Variants in DNM1 observed in about 807,000 individuals in gnomAD.
DNM1 encodes the protein dynamin-1.
In DNM1, 29 loss-of-function variants were observed where a neutral mutation model predicts 104.6. The ratio of observed to expected loss-of-function variants is 0.28; its 90% CI spans 0.21 to 0.38. DNM1 has a LOEUF of 0.38. Among genes scored for constraint, DNM1 ranks in the 10% least tolerant of loss-of-function variants. The probability of loss-of-function intolerance (pLI) is 1.00; values close to 1 mark genes in which losing one functional copy is unlikely to be tolerated. For missense variants in DNM1, 640 were observed against 1,189.4 expected (o/e 0.54, Z 6.79); for synonymous variants, 445 against 475.8 (o/e 0.94, Z 0.84).
chr9:128,216,117 C>G (rs926471850), intron 1 of DNM1, among the ~76,000 whole-genome samples: 1 of 151,800 alleles, frequency 6.6e-6, no homozygotes, highest in Non-Finnish European at 1.5e-5. Context: ...ACTTGTCTGT[C>G]TCTCCCACCA....
intron 10 of DNM1, among the ~76,000 whole-genome samples, chr9:128,228,744 G>C (rs895919823): frequency 1.3e-5 from 2 of 152,168 alleles, no homozygotes; most frequent in Admixed American, 1.3e-4. Flanking sequence ...CAGAACTTTG[G>C]AAGGCTGAGG....
In DNM1 at chr9:128,220,905, C is replaced by CTTTCTTTCTT. The variant is rs71381747; in HGVS notation, c.849+566_849+575dup. Among the ~76,000 whole-genome samples the CTTTCTTTCTT allele has an allele frequency of 7.7e-4, 113 of 146,424 alleles. 1 individual carries two copies. The highest frequency in any genetic ancestry group is 1.1e-3 in the South Asian group (5 of 4,570). On this transcript the variant is annotated intron_variant, in intron 6 of 21. Transcript: ENST00000372923. The surrounding 1 kb of genome is among the most constrained non-coding windows in gnomAD (Gnocchi z 5.2). ...ATTTGTTTTCTTTCTTTCTTTCTTT[C>CTTTCTTTCTT]TTTCTTTCTTTCTTTCTTTCTTTCT...
At chr9:128,232,978 T>C (rs1835791297) in intron 10 of DNM1, among the ~76,000 whole-genome samples, 1 of 151,622 alleles carries the variant, frequency 6.6e-6, no homozygotes, top group African/African-American at 2.4e-5. Context: ...GGAGGTGGAG[T>C]GGGAGAGGAG....
intron 1 of DNM1, among the ~76,000 whole-genome samples, chr9:128,215,217 T>G (rs1268168851): frequency 6.6e-6 from 1 of 152,196 alleles, no homozygotes; most frequent in East Asian, 1.9e-4. Flanking sequence ...CAATGTAGGA[T>G]TCGATGAAGG....
chr9:128,220,315 C>G lies in DNM1; in HGVS notation c.823C>G (p.Pro275Ala). 1 of 1,614,140 alleles carries G rather than the reference C, an allele frequency of 6.2e-7. No individual in the cohort carries two copies. Among genetic ancestry groups the G allele is most frequent in the Non-Finnish European group, 8.5e-7 (1 of 1,180,044 alleles). Residue 275 changes from proline to alanine, a missense_variant, in exon 6 of 22, where the codon CCC becomes GCC. By Grantham distance (27) the Pro-to-Ala change is conservative. Transcript: ENST00000372923. This position sits in a 1 kb window ranked among gnomAD's most constrained non-coding sequence, Gnocchi z 5.2. The stretch of plus-strand genomic sequence containing the variant: ...CCACTTGGCTGACCGTATGGGCACG[C>G]CCTACCTGCAGAAGGTCCTCAATCA... ...YRHLADRMGT[P>A]YLQKVLNQQL...
At chr9:128,215,933 A>G (rs1834576803) in intron 1 of DNM1, among the ~76,000 whole-genome samples, 1 of 136,628 alleles carries the variant, frequency 7.3e-6, no homozygotes, top group South Asian at 2.4e-4. Flanking sequence ...TTCTATCTCC[A>G]CAGCCCTGGG....
At chr9:128,215,858 A>T (rs1387110008) in intron 1 of DNM1, among the ~76,000 whole-genome samples, 4 of 151,962 alleles carry the variant, frequency 2.6e-5, no homozygotes, top group Admixed American at 2.0e-4. Context: ...GCTGGTGAGG[A>T]GCTGGTGGAG....
At chr9:128,239,650 T>A in intron 12 of DNM1, 78 bp from the exon 13 acceptor site, 5 of 1,464,892 alleles carry the variant, frequency 3.4e-6, no homozygotes, top group Non-Finnish European at 4.7e-6. Context: ...ACCCTCTGGG[T>A]CCTGTGCCCA....
Position 128,240,085 on chromosome 9 carries a change from C to A in DNM1, c.1557+89C>A. 6.7e-7 allele frequency: 1 copy of A among 1,490,638 alleles called. No homozygotes were observed. Among genetic ancestry groups the A allele is most frequent in the Non-Finnish European group, 9.4e-7 (1 of 1,069,118 alleles). 92.3% of individuals were successfully genotyped at this position (1,490,638 alleles called of 1,614,324 possible). ...GGGATCTGCAACGGGTAGGAGGGCA[C>A]CCTTTGGCTGAAGCTGCTTGTACAC... On this transcript the variant is annotated intron_variant, in intron 14 of 21. Transcript: ENST00000372923. The surrounding 1 kb of genome is among the most constrained non-coding windows in gnomAD (Gnocchi z 5.1).
At position 128,240,279 on chromosome 9, in the gene DNM1, A is replaced by C; in HGVS notation, c.1557+283A>C. The C allele has an allele frequency of 2.2e-6, 1 of 457,160 alleles. No homozygotes were observed. The highest frequency in any genetic ancestry group is 4.0e-5 in the East Asian group (1 of 24,804). The allele number at this position is 457,160 out of a possible 1,614,324, so 28.3% of individuals were successfully genotyped here. The stretch of plus-strand genomic sequence containing the variant: ...GGCACGGAGTAGGTGCTCCTTAAAC[A>C]TCTGCTGGATGGAGGGATGCACGTG... On this transcript the variant is annotated intron_variant, in intron 14 of 21. Transcript: ENST00000372923. This position sits in a 1 kb window ranked among gnomAD's most constrained non-coding sequence, Gnocchi z 5.1.
chr9:128,254,937 T>C lies in DNM1; in HGVS notation c.*223T>C. On this transcript the variant is annotated 3_prime_UTR_variant, in exon 22 of 22. Transcript: ENST00000372923. This position sits in a 1 kb window ranked among gnomAD's most constrained non-coding sequence, Gnocchi z 6.1. ...TTCTATAAATATCTATAAATACTCA[T>C]ATATATACACACCTACACATGGCCA... 1 of 509,066 alleles carries C rather than the reference T, an allele frequency of 2.0e-6. No homozygotes were observed. The allele number at this position is 509,066 out of a possible 1,614,324, so 31.5% of individuals were successfully genotyped here. A position where few individuals can be genotyped will look rare whatever the true frequency, so the allele number is the denominator to read the frequency against.
chr9:128,207,556 T>C (rs1183146080), intron 1 of DNM1, among the ~76,000 whole-genome samples: 2 of 150,886 alleles, frequency 1.3e-5, no homozygotes, highest in Non-Finnish European at 3.0e-5. Flanking sequence ...AGGCCAAGTC[T>C]GGTGGGAATG....
chr9:128,237,286 G>T (rs1836073415), intron 11 of DNM1, among the ~76,000 whole-genome samples: 1 of 151,494 alleles, frequency 6.6e-6, no homozygotes, highest in Non-Finnish European at 1.5e-5. Context: ...TTTTGAGACG[G>T]AGTCTCTCTC....
intron 15 of DNM1, chr9:128,244,643 T>C: frequency 2.3e-6 from 1 of 435,616 alleles, no homozygotes; most frequent in South Asian, 1.7e-5. Context: ...GCCCGCCCTG[T>C]GCCCCAACCC....
Position 128,245,033 on chromosome 9 carries a change from A to G in DNM1, c.1672-1361A>G, listed in dbSNP as rs1588442326. The G allele has an allele frequency of 1.7e-5, 4 of 241,054 alleles. No homozygotes were observed. Among genetic ancestry groups the G allele is most frequent in the South Asian group, 7.6e-5 (2 of 26,258 alleles). The allele number at this position is 241,054 out of a possible 1,614,324, so 14.9% of individuals were successfully genotyped here. On this transcript the variant is annotated intron_variant, in intron 15 of 21. Coordinates refer to ENST00000372923, the MANE Select transcript of DNM1 (RefSeq NM_004408.4). This position sits in a 1 kb window ranked among gnomAD's most constrained non-coding sequence, Gnocchi z 5.2. ...GCTGGGGCTGAGAAGGAGGGGCCTG[A>G]GGAGGGGGCCGGCCGGCAGGAAGGG... is the stretch of plus-strand genomic sequence containing the variant.
At chr9:128,207,489 C>G (rs1834038638) in intron 1 of DNM1, among the ~76,000 whole-genome samples, 1 of 152,038 alleles carries the variant, frequency 6.6e-6, no homozygotes, top group Non-Finnish European at 1.5e-5. Flanking sequence ...CACCCCCGCC[C>G]CGCTACACCC....
chr9:128,233,053 C>T (rs966620590), intron 10 of DNM1, among the ~76,000 whole-genome samples: 3 of 152,182 alleles, frequency 2.0e-5, no homozygotes, highest in African/African-American at 7.2e-5. Context: ...AGCTGAAGTC[C>T]GGCAGAACCT....
At chr9:128,221,816 C>T (rs1477107002) in intron 6 of DNM1, among the ~76,000 whole-genome samples, 2 of 152,162 alleles carry the variant, frequency 1.3e-5, no homozygotes, top group African/African-American at 4.8e-5. Context: ...TTGCTTGAAA[C>T]TGGGAGGCAG....
intron 20 of DNM1, 147 bp downstream of exon 20, chr9:128,250,503 G>A: frequency 9.4e-7 from 1 of 1,066,924 alleles, no homozygotes; most frequent in Middle Eastern, 3.2e-4. Flanking sequence ...GGGGCTTGTC[G>A]CGGGGCGGGG....
Sources: gnomAD v4.1 joint callset for allele counts (sites outside exome capture counted in the v4.1 genomes callset) on GRCh38, gnomAD v4.1.1 for gene constraint, Gnocchi (gnomAD v3.1) non-coding constraint, MANE v1.5 for transcripts, NCBI Gene and HGNC (gene_info 2026-07-23, HGNC 2026-07-21) for gene names.